C15orf61: variants seen among roughly 807,000 people sequenced by gnomAD.
C15orf61 encodes uncharacterized protein C15orf61.
C15orf61 carries 12 observed loss-of-function variants against 13.7 expected under a neutral mutation model. The ratio of observed to expected loss-of-function variants is 0.88; its 90% CI spans 0.56 to 1.42. The LOEUF is 1.42. Ranked by LOEUF, C15orf61 falls within the 40% of genes most tolerant of loss-of-function variation. C15orf61 has a pLI of 0.00. For synonymous variants in C15orf61, 92 were observed against 94.1 expected (o/e 0.98, Z 0.13); for missense variants, 248 against 213.2 (o/e 1.16, Z -1.02).
At chr15:67,524,124 C>A (rs995376168) in intron 1 of C15orf61, among the ~76,000 whole-genome samples, 1 of 152,108 alleles carries the variant, frequency 6.6e-6, no homozygotes, top group Admixed American at 6.5e-5. Context: ...TTGTCAGTGT[C>A]ACCAGGTATT....
Position 67,526,673 on chromosome 15 carries a change from G to T in C15orf61, c.*128G>T. 1 of 939,548 alleles carries T rather than the reference G, an allele frequency of 1.1e-6. No homozygotes were observed. Among genetic ancestry groups the T allele is most frequent in the Non-Finnish European group, 1.5e-6 (1 of 681,252 alleles). The allele number at this position is 939,548 out of a possible 1,614,324, so 58.2% of individuals were successfully genotyped here. On this transcript the variant is annotated 3_prime_UTR_variant, in exon 2 of 2. Coordinates refer to ENST00000342683, the MANE Select transcript of C15orf61 (RefSeq NM_001143936.2). ...CTTTCTACAGTATCTGCTTCTTTAA[G>T]ATGAATCATTGCCCTCAAGAGGTGA...
chr15:67,526,192 T>C (rs1441430801), intron 1 of C15orf61, among the ~76,000 whole-genome samples: 1 of 152,224 alleles, frequency 6.6e-6, no homozygotes, highest in East Asian at 1.9e-4. Context: ...GAATTAACAT[T>C]TATACCCGCC....
chr15:67,523,360 ATAT>A (rs2084179603), intron 1 of C15orf61, among the ~76,000 whole-genome samples: 1 of 152,142 alleles, frequency 6.6e-6, no homozygotes. Context: ...TATCCTATTA[ATAT>A]TATACTTAGG....
At position 67,521,307 on chromosome 15, in the gene C15orf61, G is replaced by C. The variant is rs2084158270; in HGVS notation, c.59G>C (p.Trp20Ser). 1 of 1,523,116 alleles carries C rather than the reference G, an allele frequency of 6.6e-7. No homozygotes were observed. The highest frequency in any genetic ancestry group is 8.8e-7 in the Non-Finnish European group (1 of 1,140,384). 94.4% of individuals were successfully genotyped at this position (1,523,116 alleles called of 1,614,324 possible). The change falls in exon 1 of 2, where the codon TGG (tryptophan) becomes TCG (serine). Residue 20 changes from tryptophan to serine, a missense_variant. Coordinates refer to ENST00000342683, the MANE Select transcript of C15orf61 (RefSeq NM_001143936.2). ...VALRLLLCRP[W>S]ASRAAARPKP... Reference sequence around the variant, plus strand: ...CTCCGCCTGCTGCTGTGTAGGCCGTGGGCCTCGCGCGCCGCCGCCCGCCCC... The same window carrying C: ...CTCCGCCTGCTGCTGTGTAGGCCGTCGGCCTCGCGCGCCGCCGCCCGCCCC...
At position 67,527,860 on chromosome 15, in the gene C15orf61, CA is replaced by C. The variant is rs1357446317; in HGVS notation, c.*1318del. ...AAGCAATTCTAAGTAACACTTTAATCAAAGAAGTACTTATGCCAATATATTT... is the reference window on the plus strand; with the variant it reads ...AAGCAATTCTAAGTAACACTTTAATCAAGAAGTACTTATGCCAATATATTT... On this transcript the variant is annotated 3_prime_UTR_variant, in exon 2 of 2. Transcript: ENST00000342683. 1 of 152,042 alleles carries C rather than the reference CA, an allele frequency of 6.6e-6. No homozygotes were observed. Among genetic ancestry groups the C allele is most frequent in the African/African-American group, 2.4e-5 (1 of 41,404 alleles). 9.4% of individuals were successfully genotyped at this position (152,042 alleles called of 1,614,324 possible).
Position 67,528,210 on chromosome 15 carries a change from T to C in C15orf61, c.*1665T>C, listed in dbSNP as rs959663927. On this transcript the variant is annotated 3_prime_UTR_variant, in exon 2 of 2. Coordinates refer to ENST00000342683, the MANE Select transcript of C15orf61 (RefSeq NM_001143936.2). ...TTGCACCTCTTTTCACACTGGCCTG[T>C]TTGATTTCTGATAATTTGTACTGCT... 1 of 152,230 alleles carries C rather than the reference T, an allele frequency of 6.6e-6. No homozygotes were observed. The highest frequency in any genetic ancestry group is 1.5e-5 in the Non-Finnish European group (1 of 68,030). 9.4% of individuals were successfully genotyped at this position (152,230 alleles called of 1,614,324 possible).
Position 67,529,767 on chromosome 15 carries a change from T to C in C15orf61, c.*3222T>C, listed in dbSNP as rs1247919334. ...ACCGTGTATCTTTTAAAGTACATTT[T>C]ACTTCATGTCATTTATATTCACCCA... On this transcript the variant is annotated 3_prime_UTR_variant, in exon 2 of 2. Transcript: ENST00000342683. The surrounding 1 kb of genome is among the most constrained non-coding windows in gnomAD (Gnocchi z 4.4). The C allele has an allele frequency of 6.6e-6, 1 of 152,264 alleles. No individual in the cohort carries two copies. Among genetic ancestry groups the C allele is most frequent in the Non-Finnish European group, 1.5e-5 (1 of 68,048 alleles). 9.4% of individuals were successfully genotyped at this position (152,264 alleles called of 1,614,324 possible).
rs531586192 is a variant in C15orf61, at chr15:67,529,380, C to T, written c.*2835C>T. 2 of 152,174 alleles carry T rather than the reference C, an allele frequency of 1.3e-5. No individual in the cohort carries two copies. The highest frequency in any genetic ancestry group is 2.9e-5 in the Non-Finnish European group (2 of 68,034). The allele number at this position is 152,174 out of a possible 1,614,324, so 9.4% of individuals were successfully genotyped here. On this transcript the variant is annotated 3_prime_UTR_variant, in exon 2 of 2. Coordinates refer to ENST00000342683, the MANE Select transcript of C15orf61 (RefSeq NM_001143936.2). The surrounding 1 kb of genome is among the most constrained non-coding windows in gnomAD (Gnocchi z 4.4). ...GTAGAAACAGTTATAGTTTACCACA[C>T]ATTTTGGGGCATTAATATTTTTCTA...
At chr15:67,523,989 A>G (rs2084184762) in intron 1 of C15orf61, among the ~76,000 whole-genome samples, 1 of 152,198 alleles carries the variant, frequency 6.6e-6, no homozygotes, top group African/African-American at 2.4e-5. Context: ...GTAATCTTTG[A>G]TCAGCCCTTG....
chr15:67,521,190 G>GGGCGCGCT lies in C15orf61; in HGVS notation c.-58_-51dup. The GGGCGCGCT allele has an allele frequency of 8.9e-7, 1 of 1,126,706 alleles. No homozygotes were observed. The highest frequency in any genetic ancestry group is 1.1e-6 in the Non-Finnish European group (1 of 902,950). The allele number at this position is 1,126,706 out of a possible 1,614,324, so 69.8% of individuals were successfully genotyped here. Reference sequence around the variant, plus strand: ...GTTGGCCTTCCCGGCGCTCGCCCGGGGGCGCGCTTGCGCGCCAGCGGCTGC... The same window carrying GGGCGCGCT: ...GTTGGCCTTCCCGGCGCTCGCCCGGGGGCGCGCTGGCGCGCTTGCGCGCCAGCGGCTGC... On this transcript the variant is annotated 5_prime_UTR_variant, in exon 1 of 2. Coordinates refer to ENST00000342683, the MANE Select transcript of C15orf61 (RefSeq NM_001143936.2).
rs954535047 is a variant in C15orf61, at chr15:67,528,308, T to C, written c.*1763T>C. 1.3e-5 allele frequency: 2 copies of C among 152,250 alleles called. No individual in the cohort carries two copies. The highest frequency in any genetic ancestry group is 4.8e-5 in the African/African-American group (2 of 41,462). 9.4% of individuals were successfully genotyped at this position (152,250 alleles called of 1,614,324 possible). On this transcript the variant is annotated 3_prime_UTR_variant, in exon 2 of 2. Transcript: ENST00000342683. Reference sequence around the variant, plus strand: ...GCCCATATGTGATAGGTAAGTGTCCTTGGAGAACATCTTTGACAAACTACC... The same window carrying C: ...GCCCATATGTGATAGGTAAGTGTCCCTGGAGAACATCTTTGACAAACTACC...
rs557622287 is a variant in C15orf61 at position 67,526,652 on chromosome 15, C to T, written c.*107C>T. 9.8e-6 allele frequency: 11 copies of T among 1,127,228 alleles called. No individual in the cohort carries two copies. In the South Asian group the frequency reaches 1.8e-4, roughly 19 times the overall value. 69.8% of individuals were successfully genotyped at this position (1,127,228 alleles called of 1,614,324 possible). A position where few individuals can be genotyped will look rare whatever the true frequency, so the allele number is the denominator to read the frequency against. On this transcript the variant is annotated 3_prime_UTR_variant, in exon 2 of 2. Transcript: ENST00000342683. ...AACTTTTGCAAATACTTTTTTCTTTCTACAGTATCTGCTTCTTTAAGATGA... is the reference window on the plus strand; with the variant it reads ...AACTTTTGCAAATACTTTTTTCTTTTTACAGTATCTGCTTCTTTAAGATGA...
chr15:67,521,696 G>C, intron 1 of C15orf61, 102 bp downstream of exon 1: 2 of 1,181,716 alleles, frequency 1.7e-6, no homozygotes, highest in Admixed American at 5.6e-5. Context: ...GTAGAGTCCC[G>C]CGGGAGTCAG....
In C15orf61 at chr15:67,525,136, G is replaced by A. The variant is rs563116857; in HGVS notation, c.347-1282G>A. 5.9e-5 allele frequency among the ~76,000 whole-genome samples: 9 copies of A among 152,200 alleles called. No homozygotes were observed. Among genetic ancestry groups the A allele is most frequent in the South Asian group, 2.1e-4 (1 of 4,814 alleles). On this transcript the variant is annotated intron_variant, in intron 1 of 1. Transcript: ENST00000342683. This position sits in a 1 kb window ranked among gnomAD's most constrained non-coding sequence, Gnocchi z 4.9. The stretch of plus-strand genomic sequence containing the variant: ...CAGGCGTGAGCCACAGTGCCCAGCC[G>A]CGTTCTTTATTACTAGAAAGAAAGT...
intron 1 of C15orf61, among the ~76,000 whole-genome samples, chr15:67,522,519 T>A (rs750695296): frequency 6.6e-6 from 1 of 152,252 alleles, no homozygotes; most frequent in Non-Finnish European, 1.5e-5. Context: ...ATAACACATA[T>A]GTCAGTCGTG....
Position 67,526,694 on chromosome 15 carries a change from G to T in C15orf61, c.*149G>T. Reference sequence around the variant, plus strand: ...TTAAGATGAATCATTGCCCTCAAGAGGTGAAGCTTTTTATACATCGTTATA... The same window carrying T: ...TTAAGATGAATCATTGCCCTCAAGATGTGAAGCTTTTTATACATCGTTATA... On this transcript the variant is annotated 3_prime_UTR_variant, in exon 2 of 2. Coordinates refer to ENST00000342683, the MANE Select transcript of C15orf61 (RefSeq NM_001143936.2). The T allele has an allele frequency of 2.7e-6, 2 of 748,360 alleles. No individual in the cohort carries two copies. Among genetic ancestry groups the T allele is most frequent in the African/African-American group, 1.8e-5 (1 of 55,466 alleles). The allele number at this position is 748,360 out of a possible 1,614,324, so 46.4% of individuals were successfully genotyped here.
At chr15:67,524,856 G>A (rs1483939214) in intron 1 of C15orf61, among the ~76,000 whole-genome samples, 2 of 27,788 alleles carry the variant, frequency 7.2e-5, no homozygotes, top group Non-Finnish European at 8.2e-5. Flanking sequence ...TTTTTTTTTT[G>A]AGATGGAGTC....
Position 67,521,342 on chromosome 15 carries a change from G to C in C15orf61, c.94G>C (p.Ala32Pro), listed in dbSNP as rs1471147331. ...SRAAARPKPSASEVLTRHLLQ... is the reference protein window; with the variant it reads ...SRAAARPKPSPSEVLTRHLLQ... ...CGCCGCCGCCCGCCCCAAGCCCAGC[G>C]CCTCGGAGGTGCTGACGCGGCATCT... Residue 32 changes from alanine to proline, a missense_variant, in exon 1 of 2, where the codon GCC (alanine) becomes CCC (proline). Transcript: ENST00000342683. The C allele has an allele frequency of 6.5e-7, 1 of 1,534,514 alleles. No homozygotes were observed. Among genetic ancestry groups the C allele is most frequent in the Non-Finnish European group, 8.7e-7 (1 of 1,145,144 alleles).
chr15:67,521,190 G>A lies in C15orf61; in HGVS notation c.-59G>A. On this transcript the variant is annotated 5_prime_UTR_variant, in exon 1 of 2. Transcript: ENST00000342683. ...GTTGGCCTTCCCGGCGCTCGCCCGGGGGCGCGCTTGCGCGCCAGCGGCTGC... is the reference window on the plus strand; with the variant it reads ...GTTGGCCTTCCCGGCGCTCGCCCGGAGGCGCGCTTGCGCGCCAGCGGCTGC... 1 of 1,126,706 alleles carries A rather than the reference G, an allele frequency of 8.9e-7. No homozygotes were observed. The highest frequency in any genetic ancestry group is 3.6e-5 in the East Asian group (1 of 27,786). The allele number at this position is 1,126,706 out of a possible 1,614,324, so 69.8% of individuals were successfully genotyped here. A position where few individuals can be genotyped will look rare whatever the true frequency, so the allele number is the denominator to read the frequency against.
Sources: allele counts gnomAD v4.1 joint callset (sites outside exome capture counted in the v4.1 genomes callset), GRCh38; gene constraint gnomAD v4.1.1; non-coding constraint Gnocchi (gnomAD v3.1); transcripts MANE v1.5; gene names NCBI Gene and HGNC (gene_info 2026-07-23, HGNC 2026-07-21).